CDH2: variants seen among roughly 807,000 people sequenced by gnomAD.
CDH2 encodes cadherin-2.
A neutral mutation model predicts 92.0 loss-of-function variants in CDH2; 17 were observed. The ratio of observed to expected loss-of-function variants is 0.18; its 90% CI spans 0.13 to 0.28. CDH2 has a LOEUF of 0.28. Among genes scored for constraint, CDH2 ranks in the 10% least tolerant of loss-of-function variants. The pLI is 1.00. For missense variants in CDH2, 862 were observed against 1,133.1 expected (o/e 0.76, Z 3.44); for synonymous variants, 419 against 415.9 (o/e 1.01, Z -0.09).
chr18:28,163,382 G>A (rs564932980), intron 1 of CDH2, among the ~76,000 whole-genome samples: 5 of 152,238 alleles, frequency 3.3e-5, no homozygotes, highest in Non-Finnish European at 7.3e-5. Context: ...GAGCAGAACA[G>A]TGTTCCATCA....
chr18:28,136,326 AG>A (rs1028258800), intron 2 of CDH2, among the ~76,000 whole-genome samples: 13 of 151,698 alleles, frequency 8.6e-5, no homozygotes, highest in Non-Finnish European at 1.6e-4. Context: ...AGGAAGGAGG[AG>A]CTTTCAGGTC....
intron 1 of CDH2, among the ~76,000 whole-genome samples, chr18:28,165,639 T>C (rs1308174071): frequency 1.3e-5 from 2 of 151,982 alleles, no homozygotes; most frequent in East Asian, 1.9e-4. Flanking sequence ...AAATGTGTTG[T>C]CCAAGTCCAC....
At chr18:28,067,919 T>C (rs2014540946) in intron 2 of CDH2, among the ~76,000 whole-genome samples, 1 of 152,190 alleles carries the variant, frequency 6.6e-6, no homozygotes, top group African/African-American at 2.4e-5. Context: ...CAAGACTATT[T>C]CTGAGTGTAA....
chr18:28,130,233 T>C (rs936262189), intron 2 of CDH2, among the ~76,000 whole-genome samples: 2 of 152,172 alleles, frequency 1.3e-5, no homozygotes, highest in Non-Finnish European at 2.9e-5. Flanking sequence ...TCCTGGCTGG[T>C]CATCAGAGGT....
chr18:28,131,487 C>A (rs1208260505), intron 2 of CDH2, among the ~76,000 whole-genome samples: 2 of 152,104 alleles, frequency 1.3e-5, no homozygotes, highest in Non-Finnish European at 2.9e-5. Flanking sequence ...CACAGAACAT[C>A]AATCACTGCA....
chr18:28,089,621 T>C lies in CDH2; in HGVS notation c.172+58052A>G, dbSNP rs575279114. 1.3e-4 allele frequency among the ~76,000 whole-genome samples: 20 copies of C among 152,348 alleles called. 1 individual carries two copies. Among genetic ancestry groups the C allele is most frequent in the Admixed American group, 1.2e-3 (19 of 15,304 alleles). ...ATTTAAAGCAATTTCAATTGCAATTTTGTTCAAGTCCAATAATCTTTTCTA... is the reference window on the plus strand; with the variant it reads ...ATTTAAAGCAATTTCAATTGCAATTCTGTTCAAGTCCAATAATCTTTTCTA... On this transcript the variant is annotated intron_variant, in intron 2 of 15. Transcript: ENST00000269141.
intron 2 of CDH2, among the ~76,000 whole-genome samples, chr18:28,139,938 T>C (rs1414698694): frequency 6.6e-6 from 1 of 151,968 alleles, no homozygotes; most frequent in Non-Finnish European, 1.5e-5. Flanking sequence ...CTTCTTGACA[T>C]CTCTGATCTT....
chr18:28,120,438 A>G (rs1256131136), intron 2 of CDH2, among the ~76,000 whole-genome samples: 1 of 152,120 alleles, frequency 6.6e-6, no homozygotes, highest in East Asian at 1.9e-4. Context: ...GTTCAATAAT[A>G]TATCCATATA....
rs375959737 is a variant in CDH2, at chr18:28,147,661, T to C, written c.172+12A>G. The C allele has an allele frequency of 1.1e-5, 17 of 1,503,942 alleles. 1 individual carries two copies. Among genetic ancestry groups the C allele is most frequent in the Middle Eastern group, 1.7e-4 (1 of 5,812 alleles). 93.2% of individuals were successfully genotyped at this position (1,503,942 alleles called of 1,614,324 possible). A position where few individuals can be genotyped will look rare whatever the true frequency, so the allele number is the denominator to read the frequency against. ...GACACTGCATGTACAAATATATCTTTTGAGATAGTACCATTGAGAAGAGGC... is the reference window on the plus strand; with the variant it reads ...GACACTGCATGTACAAATATATCTTCTGAGATAGTACCATTGAGAAGAGGC... On this transcript the variant is annotated intron_variant, in intron 2 of 15. Coordinates refer to ENST00000269141, the MANE Select transcript of CDH2 (RefSeq NM_001792.5).
chr18:28,018,465 G>C (rs1017407237), intron 2 of CDH2, among the ~76,000 whole-genome samples: 8 of 151,962 alleles, frequency 5.3e-5, no homozygotes, highest in African/African-American at 1.9e-4. Flanking sequence ...CAAATCTGGA[G>C]GTATTACATT....
chr18:28,147,807 A>G (rs2016061056), intron 1 of CDH2, 23 bp from the exon 2 acceptor site: 2 of 1,383,656 alleles, frequency 1.4e-6, no homozygotes, highest in Non-Finnish European at 2.0e-6. Flanking sequence ...AAAAAAAAAA[A>G]AAATGTGTGC....
chr18:28,016,319 G>C (rs1430194545), intron 2 of CDH2, among the ~76,000 whole-genome samples: 2 of 152,272 alleles, frequency 1.3e-5, no homozygotes, highest in East Asian at 1.9e-4. Flanking sequence ...GATGGTCACA[G>C]GAACAGTATA....
At chr18:28,111,014 G>C (rs951507183) in intron 2 of CDH2, among the ~76,000 whole-genome samples, 61 of 152,292 alleles carry the variant, frequency 4.0e-4, no homozygotes, top group South Asian at 6.2e-4. Context: ...TGCCCATCCA[G>C]CCATCGGTCT....
intron 2 of CDH2, among the ~76,000 whole-genome samples, chr18:28,070,564 A>C (rs2014596480): frequency 6.6e-6 from 1 of 152,214 alleles, no homozygotes; most frequent in Non-Finnish European, 1.5e-5. Flanking sequence ...GCATCTGAGA[A>C]GGGAATACAT....
At chr18:28,139,198 A>G (rs1226707743) in intron 2 of CDH2, among the ~76,000 whole-genome samples, 1 of 152,066 alleles carries the variant, frequency 6.6e-6, no homozygotes, top group Non-Finnish European at 1.5e-5. Flanking sequence ...GATGTGTTAA[A>G]AAACGCAGAT....
chr18:28,034,580 G>A (rs144063218), intron 2 of CDH2, among the ~76,000 whole-genome samples: 5 of 151,542 alleles, frequency 3.3e-5, no homozygotes, highest in African/African-American at 7.3e-5. Context: ...CTTCCAATAC[G>A]TTAAAAAATT....
At position 27,985,055 on chromosome 18, in the gene CDH2, C is replaced by T. The variant is rs200742748; in HGVS notation, c.2154G>A (p.Ala718=). 4.0e-5 allele frequency: 64 copies of T among 1,613,960 alleles called. No individual in the cohort carries two copies. Among genetic ancestry groups the T allele is most frequent in the South Asian group, 1.5e-4 (14 of 91,078 alleles). Residue 718 remains alanine, a synonymous_variant, in exon 13 of 16, where the codon GCG becomes GCA. Coordinates refer to ENST00000269141, the MANE Select transcript of CDH2 (RefSeq NM_001792.5). ...CAATGATGGCACCGGTGCCAAGCCCCGCACCCACAATCCTGTCCACATCTG... is the reference window on the plus strand; with the variant it reads ...CAATGATGGCACCGGTGCCAAGCCCTGCACCCACAATCCTGTCCACATCTG... ...DCTDVDRIVG[A]GLGTGAIIAI... is the part of the protein sequence containing the mutation.
chr18:27,966,497 G>A (rs1409238145), intron 14 of CDH2, among the ~76,000 whole-genome samples: 1 of 152,182 alleles, frequency 6.6e-6, no homozygotes, highest in East Asian at 1.9e-4. Flanking sequence ...GTATCCAGAG[G>A]CTGCAAATAA....
intron 13 of CDH2, 96 bp downstream of exon 13, chr18:27,984,904 G>T: frequency 1.1e-6 from 1 of 889,480 alleles, no homozygotes; most frequent in Non-Finnish European, 1.8e-6. Flanking sequence ...TCAAAGGGTT[G>T]TTAGACTACT....
Sources: gnomAD v4.1 joint callset for allele counts (sites outside exome capture counted in the v4.1 genomes callset) on GRCh38, gnomAD v4.1.1 for gene constraint, MANE v1.5 for transcripts, NCBI Gene and HGNC (gene_info 2026-07-23, HGNC 2026-07-21) for gene names.